The following DOK6 variants were observed in gnomAD, a reference collection of about 807,000 sequenced individuals.
The protein encoded by DOK6 is docking protein 6.
Under a neutral mutation model 44.0 loss-of-function variants are expected in DOK6, and 22 were observed. The ratio of observed to expected loss-of-function variants is 0.50; its 90% confidence interval spans 0.36 to 0.71. DOK6 has a LOEUF of 0.71. Ranked by LOEUF, DOK6 falls within the 30% of genes least tolerant of loss-of-function variation. The probability of loss-of-function intolerance (pLI) is 0.00; values close to 1 mark genes in which losing one functional copy is unlikely to be tolerated. For missense variants in DOK6, 340 were observed against 416.4 expected (o/e 0.82, Z 1.60); for synonymous variants, 166 against 145.5 (o/e 1.14, Z -1.01).
At chr18:69,636,628 T>C (rs1488394015) in intron 3 of DOK6, among the ~76,000 whole-genome samples, 1 of 152,242 alleles carries the variant, frequency 6.6e-6, no homozygotes, top group African/African-American at 2.4e-5. Flanking sequence ...GGCTCTGCTT[T>C]CTGGGGCAAC....
At chr18:69,751,847 G>GA (rs144510296) in intron 6 of DOK6, among the ~76,000 whole-genome samples, 4,844 of 148,606 alleles carry the variant, frequency 0.033, 135 homozygotes, top group East Asian at 0.088. Flanking sequence ...CTACAAAAAG[G>GA]AAAAAAAAAG....
intron 1 of DOK6, among the ~76,000 whole-genome samples, chr18:69,411,823 C>A (rs1978307404): frequency 6.6e-6 from 1 of 152,096 alleles, no homozygotes; most frequent in Non-Finnish European, 1.5e-5. Flanking sequence ...TGTAAGGAAG[C>A]AGATATTTGG....
At position 69,824,202 on chromosome 18, in the gene DOK6, C is replaced by CA. The variant is rs1555673178; in HGVS notation, c.857-17041dup. 7.3e-4 allele frequency among the ~76,000 whole-genome samples: 101 copies of CA among 139,286 alleles called. 3 individuals carry two copies. The highest frequency in any genetic ancestry group is 2.1e-3 in the African/African-American group (79 of 37,528). 91.4% of individuals were successfully genotyped at this position (139,286 alleles called of 152,430 possible). A position where few individuals can be genotyped will look rare whatever the true frequency, so the allele number is the denominator to read the frequency against. On this transcript the variant is annotated intron_variant, in intron 7 of 7. Coordinates refer to ENST00000382713, the MANE Select transcript of DOK6 (RefSeq NM_152721.6). ...TAATGCTATCCCTCCCCCCTCCCCC[C>CA]ACCCCACAACAGGCCCCGGTGTGTG...
intron 1 of DOK6, among the ~76,000 whole-genome samples, chr18:69,474,701 A>G (rs1174300576): frequency 6.6e-6 from 1 of 152,222 alleles, no homozygotes; most frequent in Non-Finnish European, 1.5e-5. Flanking sequence ...ATCTTTGGCT[A>G]TAGGATAACT....
chr18:69,785,451 C>T (rs545425398), intron 7 of DOK6, among the ~76,000 whole-genome samples: 1 of 152,254 alleles, frequency 6.6e-6, no homozygotes, highest in Non-Finnish European at 1.5e-5. Flanking sequence ...CTATGACCCT[C>T]GTTCTGCAGC....
intron 5 of DOK6, among the ~76,000 whole-genome samples, chr18:69,718,952 A>C (rs979097172): frequency 3.3e-5 from 5 of 152,204 alleles, no homozygotes; most frequent in African/African-American, 1.2e-4. Context: ...TTGGTAGTAT[A>C]ATATCACAGT....
chr18:69,490,993 G>GC (rs1980719937), intron 1 of DOK6, among the ~76,000 whole-genome samples: 1 of 152,260 alleles, frequency 6.6e-6, no homozygotes, highest in African/African-American at 2.4e-5. Context: ...GCTGCCGGCA[G>GC]CGGAGGAGCA....
chr18:69,742,596 G>A (rs1978843205), intron 6 of DOK6, among the ~76,000 whole-genome samples: 1 of 152,130 alleles, frequency 6.6e-6, no homozygotes, highest in Non-Finnish European at 1.5e-5. Flanking sequence ...AACATATTAA[G>A]GAGAGGTTAT....
chr18:69,425,818 T>C (rs932460812), intron 1 of DOK6, among the ~76,000 whole-genome samples: 2 of 152,076 alleles, frequency 1.3e-5, no homozygotes, highest in African/African-American at 2.4e-5. Flanking sequence ...TATCTGTATA[T>C]TGAGTTGAAA....
At position 69,670,510 on chromosome 18, in the gene DOK6, ATT is replaced by A. The variant is rs34425516; in HGVS notation, c.290-7207_290-7206del. Among the ~76,000 whole-genome samples, 375 of 137,084 alleles carry A rather than the reference ATT, an allele frequency of 2.7e-3. 1 individual carries two copies. The highest frequency in any genetic ancestry group is 7.5e-3 in the South Asian group (32 of 4,270). The allele number at this position is 137,084 out of a possible 152,430, so 89.9% of individuals were successfully genotyped here. On this transcript the variant is annotated intron_variant, in intron 3 of 7. Coordinates refer to ENST00000382713, the MANE Select transcript of DOK6 (RefSeq NM_152721.6). ...AGAAACCTAAAAAACTTGTGCATCA[ATT>A]TTTTTTTTTTTTTTTTGAGTCAGAG...
At chr18:69,825,533 A>G (rs1981716928) in intron 7 of DOK6, among the ~76,000 whole-genome samples, 1 of 140,698 alleles carries the variant, frequency 7.1e-6, no homozygotes, top group East Asian at 2.1e-4. Context: ...CCTCCTGGGC[A>G]TGCTATTCTC....
At chr18:69,563,600 A>G (rs1982894359) in intron 1 of DOK6, among the ~76,000 whole-genome samples, 1 of 143,628 alleles carries the variant, frequency 7.0e-6, no homozygotes, top group Non-Finnish European at 1.5e-5. Flanking sequence ...GAATTGAACA[A>G]TGAGAACACA....
At chr18:69,568,829 G>A (rs781451043) in intron 2 of DOK6, among the ~76,000 whole-genome samples, 5 of 151,642 alleles carry the variant, frequency 3.3e-5, no homozygotes, top group South Asian at 2.1e-4. Flanking sequence ...CAGGCTGTGC[G>A]CTCCTTATGA....
At chr18:69,495,165 G>C (rs879749232) in intron 1 of DOK6, among the ~76,000 whole-genome samples, 3 of 152,228 alleles carry the variant, frequency 2.0e-5, no homozygotes, top group Non-Finnish European at 4.4e-5. Flanking sequence ...CCCAGGGAAC[G>C]CAGTGGAAGC....
intron 1 of DOK6, among the ~76,000 whole-genome samples, chr18:69,426,797 C>G (rs779367698): frequency 2.0e-5 from 3 of 152,116 alleles, no homozygotes; most frequent in Non-Finnish European, 4.4e-5. Flanking sequence ...TGTTACCCTA[C>G]CTTTTATTCA....
intron 5 of DOK6, among the ~76,000 whole-genome samples, chr18:69,732,748 T>C (rs1427069883): frequency 6.6e-6 from 1 of 152,188 alleles, no homozygotes; most frequent in Non-Finnish European, 1.5e-5. Context: ...AGATATGGTT[T>C]ATGTTCACTC....
intron 3 of DOK6, among the ~76,000 whole-genome samples, chr18:69,656,347 G>A (rs74555742): frequency 6.6e-6 from 1 of 152,144 alleles, no homozygotes. Flanking sequence ...TTTAGGAAGA[G>A]GAAAGTAAAA....
chr18:69,622,027 C>T (rs899558818), intron 3 of DOK6, among the ~76,000 whole-genome samples: 1 of 152,128 alleles, frequency 6.6e-6, no homozygotes, highest in African/African-American at 2.4e-5. Flanking sequence ...CATATAGTAA[C>T]AGATTTTATG....
intron 7 of DOK6, among the ~76,000 whole-genome samples, chr18:69,840,518 C>T (rs892051781): frequency 1.3e-5 from 2 of 152,234 alleles, no homozygotes; most frequent in African/African-American, 4.8e-5. Flanking sequence ...GTAATCACTT[C>T]TGTTTTCGGT....
Sources: allele counts gnomAD v4.1 joint callset (sites outside exome capture counted in the v4.1 genomes callset), GRCh38; gene constraint gnomAD v4.1.1; transcripts MANE v1.5; gene names NCBI Gene and HGNC (gene_info 2026-07-23, HGNC 2026-07-21).